Variants in RNLS observed in about 807,000 individuals in gnomAD.
RNLS encodes the protein renalase.
RNLS carries 39 observed loss-of-function variants against 39.8 expected under a neutral mutation model. The observed-to-expected ratio is 0.98, with a 90% CI of 0.76 to 1.28. The LOEUF (loss-of-function observed/expected upper bound fraction) is 1.28. Among genes scored for constraint, RNLS ranks in the 50% most tolerant of loss-of-function variants. RNLS has a pLI of 0.00. For missense variants in RNLS, 410 were observed against 413.3 expected, an observed-to-expected ratio of 0.99 and a Z score of 0.07; for synonymous variants, 147 against 150.7, an observed-to-expected ratio of 0.98 and a Z score of 0.18.
the RNLS span, among the ~76,000 whole-genome samples, chr10:88,253,741 C>T: frequency 6.6e-6 from 1 of 152,190 alleles, no homozygotes; most frequent in East Asian, 1.9e-4. Flanking sequence ...AGTATCCACA[C>T]ACTGTGAAGA....
chr10:88,469,194 T>G (rs895447217), intron 4 of RNLS, among the ~76,000 whole-genome samples: 1 of 152,218 alleles, frequency 6.6e-6, no homozygotes, highest in African/African-American at 2.4e-5. Context: ...TTGCAGAAAC[T>G]CATTTTCCTC....
chr10:88,521,453 T>C (rs763493796), intron 4 of RNLS, among the ~76,000 whole-genome samples: 10 of 152,042 alleles, frequency 6.6e-5, no homozygotes, highest in Non-Finnish European at 1.2e-4. Context: ...GGTTATATAA[T>C]ACAATTCAGT....
chr10:88,583,125 C>A lies in RNLS; in HGVS notation c.66G>T (p.Arg22Ser), dbSNP rs1850753487. Reference protein sequence around the residue: ...TGSLCAALLRRQTSGPLYLAV... With the variant: ...TGSLCAALLRSQTSGPLYLAV... The stretch of plus-strand genomic sequence containing the variant: ...CAAGGTACAAGGGACCGGACGTCTG[C>A]CTCCTCAGCAGCGCAGCGCACAAGC... Residue 22 changes from arginine (R) to serine (S), a missense_variant, in exon 1 of 7, where the codon AGG becomes AGT. Arg to Ser is a moderately radical substitution (Grantham distance 110). Coordinates refer to ENST00000331772, the MANE Select transcript of RNLS (RefSeq NM_001031709.3). The A allele has an allele frequency of 6.2e-7, 1 of 1,614,018 alleles. No homozygotes were observed. Among genetic ancestry groups the A allele is most frequent in the Non-Finnish European group, 8.5e-7 (1 of 1,179,972 alleles).
intron 6 of RNLS, among the ~76,000 whole-genome samples, chr10:88,314,236 T>C (rs1249980746): frequency 6.6e-6 from 1 of 152,158 alleles, no homozygotes; most frequent in Admixed American, 6.5e-5. Flanking sequence ...CTTGAGATGC[T>C]TGAATTTGAA....
At chr10:88,362,178 T>C (rs1354977329) in intron 5 of RNLS, among the ~76,000 whole-genome samples, 4 of 152,052 alleles carry the variant, frequency 2.6e-5, no homozygotes, top group East Asian at 3.9e-4. Flanking sequence ...GCAGCACTTA[T>C]CAAATTAAAA....
At chr10:88,540,029 T>A (rs1341971931) in intron 4 of RNLS, among the ~76,000 whole-genome samples, 1 of 152,132 alleles carries the variant, frequency 6.6e-6, no homozygotes, top group Non-Finnish European at 1.5e-5. Context: ...AAAGTTATAT[T>A]GTGGTAAAAA....
chr10:88,465,236 T>C (rs1843137017), intron 4 of RNLS, among the ~76,000 whole-genome samples: 1 of 152,154 alleles, frequency 6.6e-6, no homozygotes, highest in South Asian at 2.1e-4. Flanking sequence ...GAATGTATTC[T>C]AGAATGCCAG....
At chr10:88,274,203 A>G (rs1842731920) in exon 7 of RNLS, 1 of 152,218 alleles carries the variant, frequency 6.6e-6, no homozygotes, top group Non-Finnish European at 1.5e-5. Flanking sequence ...TACATAACAT[A>G]AAAGTGATGA....
At chr10:88,331,999 C>T (rs1847154484) in intron 5 of RNLS, among the ~76,000 whole-genome samples, 1 of 152,184 alleles carries the variant, frequency 6.6e-6, no homozygotes, top group Admixed American at 6.5e-5. Flanking sequence ...TCTTTCTTGC[C>T]TTGCTAGCAG....
At chr10:88,200,862 G>T in the RNLS span, among the ~76,000 whole-genome samples, 1 of 152,112 alleles carries the variant, frequency 6.6e-6, no homozygotes, top group Admixed American at 6.6e-5. Context: ...CCCGGGAAGT[G>T]GTCCACAGTA....
At chr10:88,437,972 C>T (rs1841504595) in intron 4 of RNLS, among the ~76,000 whole-genome samples, 1 of 151,894 alleles carries the variant, frequency 6.6e-6, no homozygotes, top group Non-Finnish European at 1.5e-5. Context: ...ACTAAAAATA[C>T]AAAATTAGCT....
Position 88,284,997 on chromosome 10 carries a change from T to C in RNLS, c.*357A>G, listed in dbSNP as rs998446769. The stretch of plus-strand genomic sequence containing the variant: ...TAATGTGATTATTCTTTATTCAGAA[T>C]TGAAATTTTCATAAGGATAATCAAG... On this transcript the variant is annotated 3_prime_UTR_variant, in exon 7 of 7. Coordinates refer to ENST00000331772, the MANE Select transcript of RNLS (RefSeq NM_001031709.3). 1 of 997,102 alleles carries C rather than the reference T, an allele frequency of 1.0e-6. No individual in the cohort carries two copies. Among genetic ancestry groups the C allele is most frequent in the African/African-American group, 1.7e-5 (1 of 57,792 alleles). 61.8% of individuals were successfully genotyped at this position (997,102 alleles called of 1,614,324 possible). A position where few individuals can be genotyped will look rare whatever the true frequency, so the allele number is the denominator to read the frequency against.
intron 4 of RNLS, among the ~76,000 whole-genome samples, chr10:88,403,685 G>C (rs1853079255): frequency 6.6e-6 from 1 of 151,724 alleles, no homozygotes; most frequent in Non-Finnish European, 1.5e-5. Context: ...ATTAATTAAA[G>C]GATTCTTGTA....
the RNLS span, among the ~76,000 whole-genome samples, chr10:88,198,125 C>T: frequency 6.6e-6 from 1 of 152,216 alleles, no homozygotes; most frequent in Non-Finnish European, 1.5e-5. Flanking sequence ...CCAGCAGCCC[C>T]ACCCCAGGCC....
intron 6 of RNLS, among the ~76,000 whole-genome samples, chr10:88,286,240 C>T (rs939412313): frequency 3.3e-5 from 5 of 152,106 alleles, no homozygotes; most frequent in African/African-American, 1.2e-4. Flanking sequence ...CCATGCTGAA[C>T]ATTGGAGCAG....
chr10:88,176,793 T>G, the RNLS span, among the ~76,000 whole-genome samples: 1 of 152,216 alleles, frequency 6.6e-6, no homozygotes, highest in Non-Finnish European at 1.5e-5. Flanking sequence ...TTTTAATTTA[T>G]GAATTCCCTC....
intron 4 of RNLS, among the ~76,000 whole-genome samples, chr10:88,534,900 T>C (rs1255641030): frequency 6.6e-6 from 1 of 152,106 alleles, no homozygotes; most frequent in Non-Finnish European, 1.5e-5. Context: ...AGCACTGTCA[T>C]TTAGTAGCAG....
intron 4 of RNLS, among the ~76,000 whole-genome samples, chr10:88,426,117 G>A (rs563302882): frequency 2.6e-5 from 4 of 152,170 alleles, no homozygotes; most frequent in African/African-American, 9.6e-5. Flanking sequence ...TTAGCGGTAT[G>A]TGTATTAGGT....
intron 5 of RNLS, among the ~76,000 whole-genome samples, chr10:88,350,029 G>A (rs2133277750): frequency 6.6e-6 from 1 of 152,124 alleles, no homozygotes; most frequent in South Asian, 2.1e-4. Context: ...TATCTGAGAG[G>A]TCTGATATTT....
Sources: gnomAD v4.1 joint callset for allele counts (sites outside exome capture counted in the v4.1 genomes callset) on GRCh38, gnomAD v4.1.1 for gene constraint, MANE v1.5 for transcripts, NCBI Gene and HGNC (gene_info 2026-07-23, HGNC 2026-07-21) for gene names.